USP34: variants seen among roughly 807,000 people sequenced by gnomAD.
The protein encoded by USP34 is ubiquitin specific peptidase 34.
Under a neutral mutation model 460.3 loss-of-function variants are expected in USP34, and 70 were observed. The observed-to-expected ratio is 0.15, with a 90% CI of 0.13 to 0.19. The LOEUF (loss-of-function observed/expected upper bound fraction) is 0.19, where lower values mean the gene tolerates loss of function less well. Ranked by LOEUF, USP34 falls within the 10% of genes least tolerant of loss-of-function variation. The pLI is 1.00. For synonymous variants in USP34, 1,647 were observed against 1,405.3 expected, an observed-to-expected ratio of 1.17 and a Z score of -3.85; for missense variants, 3,985 against 4,236.2, an observed-to-expected ratio of 0.94 and a Z score of 1.65.
chr2:61,234,780 C>G (rs536321424), intron 57 of USP34, among the ~76,000 whole-genome samples: 1 of 152,062 alleles, frequency 6.6e-6, no homozygotes, highest in African/African-American at 2.4e-5. Flanking sequence ...GTTGGGATTA[C>G]AAGTGCACAC....
chr2:61,196,707 A>AT (rs1369618600), intron 75 of USP34, among the ~76,000 whole-genome samples: 1 of 151,586 alleles, frequency 6.6e-6, no homozygotes, highest in East Asian at 1.9e-4. Flanking sequence ...TGATTTTTCT[A>AT]TTTTTTGTAG....
At chr2:61,469,079 A>G (rs1695869194) in intron 1 of USP34, among the ~76,000 whole-genome samples, 1 of 151,988 alleles carries the variant, frequency 6.6e-6, no homozygotes, top group African/African-American at 2.4e-5. Flanking sequence ...TGGTGTGGGG[A>G]ACCTACATTT....
intron 1 of USP34, among the ~76,000 whole-genome samples, chr2:61,459,730 T>C (rs1267157390): frequency 6.9e-6 from 1 of 144,590 alleles, no homozygotes; most frequent in Non-Finnish European, 1.5e-5. Flanking sequence ...TGAGCTGATA[T>C]TAAGCCACTG....
At chr2:61,375,066 T>A (rs979523652) in intron 8 of USP34, among the ~76,000 whole-genome samples, 1 of 152,132 alleles carries the variant, frequency 6.6e-6, no homozygotes. Context: ...CATTAAGCCA[T>A]AAAACACAAC....
chr2:61,300,588 G>T (rs187711950), intron 29 of USP34, among the ~76,000 whole-genome samples: 1 of 150,560 alleles, frequency 6.6e-6, no homozygotes, highest in Admixed American at 6.6e-5. Context: ...ATGAGGTCAG[G>T]AGTTCAAGAC....
intron 1 of USP34, among the ~76,000 whole-genome samples, chr2:61,467,426 AG>A (rs1695806078): frequency 6.6e-6 from 1 of 152,086 alleles, no homozygotes; most frequent in African/African-American, 2.4e-5. Context: ...GCGGGATTAC[AG>A]GGGCGCACCA....
At position 61,214,461 on chromosome 2, in the gene USP34, A is replaced by G; in HGVS notation, c.8281T>C (p.Tyr2761His). Residue 2761 changes from tyrosine (Y) to histidine (H), a missense_variant, in exon 68 of 80, where the codon TAC (tyrosine) becomes CAC (histidine). Around this residue, in one of 14 missense-constraint regions of USP34, gnomAD observed 604 missense variants for 684.8 expected, o/e 0.88. Coordinates refer to ENST00000398571, the MANE Select transcript of USP34 (RefSeq NM_014709.4). Reference sequence around the variant, plus strand: ...TTCTCAGTTTTGGAAATTAAACAGTAAGTCATAAAGCTAAAATAGGGCACT... The same window carrying G: ...TTCTCAGTTTTGGAAATTAAACAGTGAGTCATAAAGCTAAAATAGGGCACT... The part of the protein sequence containing the change: ...KLVPYFSFMT[Y>H]CLISKTEKLM... The G allele has an allele frequency of 1.9e-6, 3 of 1,614,186 alleles. No homozygotes were observed. Among genetic ancestry groups the G allele is most frequent in the Non-Finnish European group, 2.5e-6 (3 of 1,180,032 alleles).
chr2:61,445,056 G>A (rs991726560), intron 1 of USP34, among the ~76,000 whole-genome samples: 6 of 151,680 alleles, frequency 4.0e-5, no homozygotes, highest in African/African-American at 1.5e-4. Flanking sequence ...AGAAGCAATA[G>A]TAACTGCCAA....
At chr2:61,388,771 A>C (rs1693249177) in intron 5 of USP34, among the ~76,000 whole-genome samples, 1 of 151,064 alleles carries the variant, frequency 6.6e-6, no homozygotes, top group East Asian at 1.9e-4. Flanking sequence ...AAGAATATAT[A>C]TATATATATA....
intron 7 of USP34, among the ~76,000 whole-genome samples, chr2:61,378,912 C>CGAAAAAAAAAAA (rs1692879250): frequency 1.2e-4 from 1 of 8,632 alleles, no homozygotes; most frequent in Non-Finnish European, 2.1e-4. Flanking sequence ...CTCAAAAAAA[C>CGAAAAAAAAAAA]GAAAAAAAAA....
At chr2:61,241,678 T>G (rs751146931) in intron 52 of USP34, 23 bp from the exon 53 acceptor site, 1 of 1,561,928 alleles carries the variant, frequency 6.4e-7, no homozygotes, top group South Asian at 1.2e-5. Context: ...AGAAAAAAAT[T>G]TATTTTCATT....
Position 61,333,986 on chromosome 2 carries a change from A to G in USP34, c.2745-15T>C. 6.6e-7 allele frequency: 1 copy of G among 1,520,438 alleles called. No homozygotes were observed. The highest frequency in any genetic ancestry group is 1.3e-5 in the South Asian group (1 of 78,908). The allele number at this position is 1,520,438 out of a possible 1,614,324, so 94.2% of individuals were successfully genotyped here. Reference sequence around the variant, plus strand: ...TTACTACTGATCTGAAACAGCAGAAACATTCACAAAATAATTTTAGTAATT... The same window carrying G: ...TTACTACTGATCTGAAACAGCAGAAGCATTCACAAAATAATTTTAGTAATT... On this transcript the variant is annotated splice_polypyrimidine_tract_variant and intron_variant, in intron 18 of 79. Transcript: ENST00000398571.
At position 61,418,245 on chromosome 2, in the gene USP34, A is replaced by T. The variant is rs987466227; in HGVS notation, c.131+2501T>A. ...CTGGTACACACCACCACGCCTGGCT[A>T]ATTTTTGTATTTTTAGTAGAGATGG... On this transcript the variant is annotated intron_variant, in intron 2 of 79. Coordinates refer to ENST00000398571, the MANE Select transcript of USP34 (RefSeq NM_014709.4). 2.6e-5 allele frequency among the ~76,000 whole-genome samples: 4 copies of T among 151,530 alleles called. No individual in the cohort carries two copies. In the South Asian group the frequency reaches 8.3e-4, roughly 32 times the overall value.
chr2:61,355,360 T>G (rs770514434), intron 10 of USP34, among the ~76,000 whole-genome samples: 13 of 152,204 alleles, frequency 8.5e-5, no homozygotes, highest in African/African-American at 1.2e-4. Context: ...CTTTTTATTT[T>G]CCACATGATT....
At position 61,347,905 on chromosome 2, in the gene USP34, G is replaced by A. The variant is rs1691821324; in HGVS notation, c.2250C>T (p.His750=). 6.2e-7 allele frequency: 1 copy of A among 1,613,662 alleles called. No individual in the cohort carries two copies. The highest frequency in any genetic ancestry group is 1.1e-5 in the South Asian group (1 of 91,060). ...NCRQFIGPQH[H]HHHHHHHHHH... is the part of the protein sequence containing the mutation. ...GGTGGTGATGGTGGTGGTGGTGGTG[G>A]TGATGCTGTGGACCAATAAATTGTC... Residue 750 remains histidine (H), a synonymous_variant, in exon 15 of 80, where the codon CAC becomes CAT. Transcript: ENST00000398571.
At chr2:61,268,914 T>C (rs1465385228) in intron 41 of USP34, among the ~76,000 whole-genome samples, 2 of 152,202 alleles carry the variant, frequency 1.3e-5, no homozygotes, top group South Asian at 2.1e-4. Context: ...AAAGTATATT[T>C]ATGCTCCTTC....
chr2:61,392,492 C>G (rs578030572), intron 5 of USP34, among the ~76,000 whole-genome samples: 1 of 151,946 alleles, frequency 6.6e-6, no homozygotes, highest in Non-Finnish European at 1.5e-5. Context: ...GGTGTGGTAG[C>G]GTGCACTAGT....
intron 61 of USP34, among the ~76,000 whole-genome samples, chr2:61,227,835 C>T (rs377026828): frequency 2.0e-4 from 31 of 151,972 alleles, no homozygotes; most frequent in South Asian, 4.2e-4. Context: ...AGACAAGTCA[C>T]GATAAAAATT....
rs1383828177 is a variant in USP34, at chr2:61,241,780, A to T, written c.6667T>A (p.Phe2223Ile). ...AAAATGGTTACCTTTTCAAAAGAGA[A>T]GTCCATAAATTTATCTGTAACAGAA... Reference protein sequence around the residue: ...YDSVTDKFMDFSFEKTHSAYM... With the variant: ...YDSVTDKFMDISFEKTHSAYM... Residue 2223 changes from phenylalanine to isoleucine, a missense_variant, in exon 52 of 80, where the codon TTC (phenylalanine) becomes ATC (isoleucine). By Grantham distance (21) the Phe-to-Ile change is conservative. Coordinates refer to ENST00000398571, the MANE Select transcript of USP34 (RefSeq NM_014709.4). The T allele has an allele frequency of 4.6e-6, 7 of 1,536,610 alleles. No homozygotes were observed.
Sources: allele counts gnomAD v4.1 joint callset (sites outside exome capture counted in the v4.1 genomes callset), GRCh38; gene constraint gnomAD v4.1.1; regional missense constraint gnomAD v4.1.1; transcripts MANE v1.5; gene names NCBI Gene and HGNC (gene_info 2026-07-23, HGNC 2026-07-21).